Variants in TRPM3 observed in about 807,000 individuals in gnomAD.
TRPM3 encodes the protein transient receptor potential cation channel subfamily M member 3.
A neutral mutation model predicts 181.2 loss-of-function variants in TRPM3; 77 were observed. The ratio of observed to expected loss-of-function variants is 0.42; its 90% CI spans 0.35 to 0.51. TRPM3 has a LOEUF of 0.51. TRPM3 is among the 20% of genes least tolerant of loss of function. TRPM3 has a pLI of 0.01. For synonymous variants in TRPM3, 745 were observed against 796.4 expected (o/e 0.94, Z 1.09); for missense variants, 1,759 against 2,196.7 (o/e 0.80, Z 3.98).
intron 1 of TRPM3, among the ~76,000 whole-genome samples, chr9:71,293,606 GAA>G (rs34356760): frequency 6.7e-6 from 1 of 148,834 alleles, no homozygotes. Context: ...TACATTTGTG[GAA>G]AAAAAAAAGC....
chr9:71,321,259 A>G (rs1554875475), intron 1 of TRPM3, among the ~76,000 whole-genome samples: 2 of 152,094 alleles, frequency 1.3e-5, no homozygotes, highest in African/African-American at 4.8e-5. Context: ...ACCTTTTTTC[A>G]ATCCTAATGC....
chr9:70,789,449 A>C (rs1173518932), intron 6 of TRPM3, among the ~76,000 whole-genome samples: 1 of 152,224 alleles, frequency 6.6e-6, no homozygotes, highest in Non-Finnish European at 1.5e-5. Context: ...TAAAAAATAC[A>C]GTCTGTAGGA....
intron 9 of TRPM3, among the ~76,000 whole-genome samples, chr9:70,671,633 G>A (rs1412865447): frequency 6.6e-6 from 1 of 152,174 alleles, no homozygotes; most frequent in Non-Finnish European, 1.5e-5. Context: ...GAGAATGTCT[G>A]AACCCTGATT....
At chr9:70,738,561 T>TCA (rs772628095) in intron 8 of TRPM3, among the ~76,000 whole-genome samples, 7 of 151,796 alleles carry the variant, frequency 4.6e-5, no homozygotes, top group Non-Finnish European at 1.0e-4. Flanking sequence ...CAATCTAAGG[T>TCA]CACACATCAA....
chr9:71,064,527 T>C (rs146540560), intron 1 of TRPM3, among the ~76,000 whole-genome samples: 3 of 152,126 alleles, frequency 2.0e-5, no homozygotes, highest in East Asian at 1.9e-4. Flanking sequence ...AGTTTTCAAA[T>C]TTTATACTCA....
intron 1 of TRPM3, among the ~76,000 whole-genome samples, chr9:71,204,957 G>C (rs146676279): frequency 6.6e-6 from 1 of 151,888 alleles, no homozygotes; most frequent in African/African-American, 2.4e-5. Context: ...GTAAACTATC[G>C]CAAGGACAAA....
At chr9:70,877,483 A>C (rs942173415) in intron 1 of TRPM3, among the ~76,000 whole-genome samples, 3 of 152,020 alleles carry the variant, frequency 2.0e-5, no homozygotes, top group African/African-American at 7.2e-5. Context: ...TGTAAGTAGC[A>C]ATTTCAGAAC....
At position 70,535,378 on chromosome 9, in the gene TRPM3, T is replaced by C; in HGVS notation, c.*575A>G. The C allele has an allele frequency of 6.5e-7, 1 of 1,536,560 alleles. No individual in the cohort carries two copies. Among genetic ancestry groups the C allele is most frequent in the Non-Finnish European group, 8.8e-7 (1 of 1,134,564 alleles). On this transcript the variant is annotated 3_prime_UTR_variant, in exon 26 of 26. Transcript: ENST00000677713. Reference sequence around the variant, plus strand: ...TCTTTATAATGATCAATTACAGAAGTGTTGGCATGAGAAGGATGTGGGACG... The same window carrying C: ...TCTTTATAATGATCAATTACAGAAGCGTTGGCATGAGAAGGATGTGGGACG...
chr9:71,293,656 G>C (rs1364485241), intron 1 of TRPM3, among the ~76,000 whole-genome samples: 2 of 151,244 alleles, frequency 1.3e-5, no homozygotes, highest in Non-Finnish European at 3.0e-5. Context: ...CCCCCAAATT[G>C]ATCTATACTT....
intron 1 of TRPM3, among the ~76,000 whole-genome samples, chr9:71,434,072 T>C (rs1450141241): frequency 6.6e-6 from 1 of 152,020 alleles, no homozygotes; most frequent in Admixed American, 6.6e-5. Flanking sequence ...GGCAGGAGAA[T>C]CACTTGAGCC....
At chr9:71,245,443 CAA>C (rs61043388) in intron 1 of TRPM3, among the ~76,000 whole-genome samples, 9 of 133,638 alleles carry the variant, frequency 6.7e-5, no homozygotes, top group Admixed American at 7.7e-5. Flanking sequence ...GACTCCATTT[CAA>C]AAAAAAAAAA....
At chr9:71,198,353 G>C (rs191324683) in intron 1 of TRPM3, among the ~76,000 whole-genome samples, 1 of 151,696 alleles carries the variant, frequency 6.6e-6, no homozygotes, top group African/African-American at 2.4e-5. Context: ...TTGGTGATGC[G>C]GGCTCTTTTT....
chr9:71,385,048 C>A (rs907479867), intron 1 of TRPM3, among the ~76,000 whole-genome samples: 1 of 152,054 alleles, frequency 6.6e-6, no homozygotes, highest in African/African-American at 2.4e-5. Context: ...CACATGATAT[C>A]CTCCTTTAGC....
chr9:71,385,319 C>T lies in TRPM3; in HGVS notation c.183+61334G>A, dbSNP rs560780275. ...TTTAGAAAAAAGAACACAATTTAAACGCATGTAAAATTTGGTACCCAGCAT... is the reference window on the plus strand; with the variant it reads ...TTTAGAAAAAAGAACACAATTTAAATGCATGTAAAATTTGGTACCCAGCAT... On this transcript the variant is annotated intron_variant, in intron 1 of 24. Coordinates refer to the TRPM3 transcript ENST00000357533. Among the ~76,000 whole-genome samples the T allele has an allele frequency of 5.4e-4, 82 of 152,228 alleles. No homozygotes were observed. In the South Asian group the frequency reaches 7.5e-3, roughly 14 times the overall value.
intron 1 of TRPM3, among the ~76,000 whole-genome samples, chr9:71,059,807 C>G (rs1441304725): frequency 6.6e-6 from 1 of 152,016 alleles, no homozygotes; most frequent in Admixed American, 6.6e-5. Context: ...AATACTTTAA[C>G]AAATTATACG....
chr9:71,069,528 C>T (rs547368985), intron 1 of TRPM3, among the ~76,000 whole-genome samples: 9 of 151,446 alleles, frequency 5.9e-5, no homozygotes, highest in Non-Finnish European at 1.0e-4. Context: ...TGAATACAAA[C>T]GGTTACTATG....
rs189348999 is a variant in TRPM3, at chr9:70,904,628, G to A, written c.178-40117C>T. On this transcript the variant is annotated intron_variant, in intron 1 of 25. Coordinates refer to ENST00000677713, the MANE Select transcript of TRPM3 (RefSeq NM_001366145.2). ...CATCTTTCAGCACTATACAGACCCC[G>A]ATGGCCACAAAATGACACAGTCCTC... Among the ~76,000 whole-genome samples the A allele has an allele frequency of 2.8e-3, 423 of 152,246 alleles. 3 individuals carry two copies. The highest frequency in any genetic ancestry group is 9.4e-3 in the African/African-American group (392 of 41,546).
At chr9:71,234,547 G>A (rs1226858314) in intron 1 of TRPM3, among the ~76,000 whole-genome samples, 3 of 152,140 alleles carry the variant, frequency 2.0e-5, no homozygotes, top group African/African-American at 7.2e-5. Context: ...AGCATTGGTT[G>A]CTTCTGAAGC....
intron 8 of TRPM3, among the ~76,000 whole-genome samples, chr9:70,687,891 T>C (rs1236182705): frequency 1.3e-5 from 2 of 152,210 alleles, no homozygotes; most frequent in Non-Finnish European, 1.5e-5. Flanking sequence ...AATGGAGCAG[T>C]GAACCACACT....
Sources: gnomAD v4.1 joint callset for allele counts (sites outside exome capture counted in the v4.1 genomes callset) on GRCh38, gnomAD v4.1.1 for gene constraint, MANE v1.5 for transcripts, NCBI Gene and HGNC (gene_info 2026-07-23, HGNC 2026-07-21) for gene names.